Variants in RPSA2 observed in about 807,000 individuals in gnomAD.
RPSA2 encodes the protein small ribosomal subunit protein uS2B.
the RPSA2 span, among the ~76,000 whole-genome samples, chr19:23,838,699 T>C: frequency 6.6e-6 from 1 of 152,154 alleles, no homozygotes; most frequent in African/African-American, 2.4e-5. Flanking sequence ...AATTTATCCA[T>C]CTCTTCTATG....
chr19:23,802,576 C>A, the RPSA2 span, among the ~76,000 whole-genome samples: 2 of 152,188 alleles, frequency 1.3e-5, no homozygotes, highest in African/African-American at 2.4e-5. Context: ...AGAAATGAAT[C>A]ATCTGGTGTG....
the RPSA2 span, among the ~76,000 whole-genome samples, chr19:23,840,078 G>T: frequency 1.3e-5 from 2 of 151,186 alleles, no homozygotes; most frequent in African/African-American, 4.9e-5. Context: ...TCTCTCCTGA[G>T]AAGGAATCAG....
At chr19:23,832,532 C>A in the RPSA2 span, 1 of 710,406 alleles carries the variant, frequency 1.4e-6, no homozygotes, top group Non-Finnish European at 2.2e-6. Context: ...TAAGATAATT[C>A]ATACTGAAAA....
the RPSA2 span, among the ~76,000 whole-genome samples, chr19:23,773,919 A>G: frequency 6.6e-6 from 1 of 152,192 alleles, no homozygotes; most frequent in Non-Finnish European, 1.5e-5. Flanking sequence ...AAACCAGAAC[A>G]TGTGTGGGAT....
At chr19:23,845,685 G>T in the RPSA2 span, among the ~76,000 whole-genome samples, 9 of 152,232 alleles carry the variant, frequency 5.9e-5, no homozygotes, top group Non-Finnish European at 7.4e-5. Context: ...TAGCAATGCG[G>T]TTTTTGCATG....
chr19:23,767,222 G>A, the RPSA2 span, among the ~76,000 whole-genome samples: 1 of 152,054 alleles, frequency 6.6e-6, no homozygotes, highest in African/African-American at 2.4e-5. Flanking sequence ...GGTTACAGGC[G>A]TGAACCACGG....
chr19:23,865,550 G>T, the RPSA2 span, among the ~76,000 whole-genome samples: 2 of 151,998 alleles, frequency 1.3e-5, no homozygotes, highest in Non-Finnish European at 2.9e-5. Flanking sequence ...TGAGTCTCAA[G>T]AATTAAAAAA....
the RPSA2 span, among the ~76,000 whole-genome samples, chr19:23,797,450 G>T: frequency 6.6e-6 from 1 of 152,046 alleles, no homozygotes; most frequent in Non-Finnish European, 1.5e-5. Context: ...AGAACTTCTT[G>T]GTTTTTGCCT....
At chr19:23,791,441 TA>T in the RPSA2 span, among the ~76,000 whole-genome samples, 1 of 152,188 alleles carries the variant, frequency 6.6e-6, no homozygotes, top group Non-Finnish European at 1.5e-5. Context: ...GAGTTTAGAT[TA>T]TTTTTTAGAA....
the RPSA2 span, chr19:23,832,568 G>A: frequency 2.1e-6 from 2 of 963,552 alleles, no homozygotes; most frequent in East Asian, 7.8e-5. Context: ...TCAAGAATGT[G>A]GCAATGCTTT....
the RPSA2 span, chr19:23,817,961 A>T: frequency 6.6e-6 from 1 of 152,236 alleles, no homozygotes; most frequent in South Asian, 2.1e-4. Context: ...AGGAAGGATT[A>T]CTAAGGGGAG....
the RPSA2 span, among the ~76,000 whole-genome samples, chr19:23,866,665 A>G: frequency 2.0e-5 from 3 of 151,968 alleles, no homozygotes; most frequent in Admixed American, 1.3e-4. Flanking sequence ...CCCTCAAGCC[A>G]TGAGGGCATT....
chr19:23,781,904 G>T, the RPSA2 span, among the ~76,000 whole-genome samples: 4 of 152,150 alleles, frequency 2.6e-5, no homozygotes, highest in African/African-American at 9.7e-5. Flanking sequence ...CAGACCCTTG[G>T]TAATGTGATT....
the RPSA2 span, chr19:23,819,506 G>A: frequency 6.6e-6 from 1 of 152,178 alleles, no homozygotes; most frequent in Non-Finnish European, 1.5e-5. Flanking sequence ...GGGTCCCAGT[G>A]TTGTTGGATT....
At chr19:23,764,325 T>C in the RPSA2 span, among the ~76,000 whole-genome samples, 1 of 152,230 alleles carries the variant, frequency 6.6e-6, no homozygotes, top group African/African-American at 2.4e-5. Flanking sequence ...CATTCTCAAA[T>C]GTAGGAAATG....
the RPSA2 span, among the ~76,000 whole-genome samples, chr19:23,863,640 G>C: frequency 6.6e-6 from 1 of 151,074 alleles, no homozygotes; most frequent in Non-Finnish European, 1.5e-5. Context: ...CTGGTGTATA[G>C]GACTTGATTT....
At chr19:23,783,291 C>T in the RPSA2 span, among the ~76,000 whole-genome samples, 2 of 151,966 alleles carry the variant, frequency 1.3e-5, no homozygotes, top group East Asian at 3.9e-4. Context: ...GACGGGGCTT[C>T]TCCATGTTGG....
At chr19:23,797,609 G>C in the RPSA2 span, among the ~76,000 whole-genome samples, 1 of 152,204 alleles carries the variant, frequency 6.6e-6, no homozygotes, top group African/African-American at 2.4e-5. Flanking sequence ...ATTTGGTCAA[G>C]TGTTGAGTTT....
chr19:23,824,872 T>G, the RPSA2 span, among the ~76,000 whole-genome samples: 1 of 152,056 alleles, frequency 6.6e-6, no homozygotes, highest in Non-Finnish European at 1.5e-5. Flanking sequence ...CACCCTTTTT[T>G]ATCTTCAAAT....
Sources: gnomAD v4.1 joint callset for allele counts (sites outside exome capture counted in the v4.1 genomes callset) on GRCh38, gnomAD v4.1.1 for gene constraint, MANE v1.5 for transcripts, NCBI Gene and HGNC (gene_info 2026-07-23, HGNC 2026-07-21) for gene names.